The following SRCIN1 variants were observed in gnomAD, a reference collection of about 807,000 sequenced individuals.
The protein encoded by SRCIN1 is SRC kinase signaling inhibitor 1.
Under a neutral mutation model 116.2 loss-of-function variants are expected in SRCIN1, and 50 were observed. The ratio of observed to expected loss-of-function variants is 0.43; its 90% confidence interval spans 0.34 to 0.54. The LOEUF (loss-of-function observed/expected upper bound fraction) is 0.54. Ranked by LOEUF, SRCIN1 falls within the 20% of genes least tolerant of loss-of-function variation. The probability of loss-of-function intolerance (pLI) is 0.02; values close to 1 mark genes in which losing one functional copy is unlikely to be tolerated. For synonymous variants in SRCIN1, 736 were observed against 750.0 expected (o/e 0.98, Z 0.30); for missense variants, 1,446 against 1,672.0 (o/e 0.86, Z 2.36).
chr17:38,563,520 C>T lies in SRCIN1; in HGVS notation c.543G>A (p.Gly181=), dbSNP rs765927766. The T allele has an allele frequency of 2.6e-6, 4 of 1,549,054 alleles. No homozygotes were observed. The East Asian group carries it at 7.3e-5, about 28-fold the overall frequency. The change falls in exon 5 of 19, where the codon GGG becomes GGA. Residue 181 remains glycine (G), a splice_region_variant and synonymous_variant. Transcript: ENST00000617146. This position sits in a 1 kb window ranked among gnomAD's most constrained non-coding sequence, Gnocchi z 5.8. ...SASQTKLRSP[G]VLFLQFGEET... is the part of the protein sequence containing the mutation. ...CCTCCCCGAACTGCAGGAACAGCAC[C>T]CCTGCGAAGGAGACGCCGCCCTCGC...
intron 1 of SRCIN1, among the ~76,000 whole-genome samples, chr17:38,600,251 T>C (rs1780577871): frequency 6.6e-6 from 1 of 152,202 alleles, no homozygotes; most frequent in Admixed American, 6.5e-5. Context: ...CTATCAACCT[T>C]TACCCAGCCC....
At chr17:38,591,117 A>G (rs1457745476) in intron 1 of SRCIN1, among the ~76,000 whole-genome samples, 2 of 152,182 alleles carry the variant, frequency 1.3e-5, no homozygotes, top group Non-Finnish European at 2.9e-5. Context: ...TATGCTGGAT[A>G]CGAAGCCCTC....
chr17:38,540,874 T>C (rs539382362), intron 18 of SRCIN1, among the ~76,000 whole-genome samples: 217 of 152,238 alleles, frequency 1.4e-3, no homozygotes, highest in African/African-American at 4.8e-3. Context: ...AAGGAGATCT[T>C]AGAAGACCGT....
Position 38,552,518 on chromosome 17 carries a change from C to A in SRCIN1, c.2409G>T (p.Glu803Asp). Residue 803 changes from glutamate to aspartate, a missense_variant, in exon 13 of 19, where the codon GAG (glutamate) becomes GAT (aspartate). Coordinates refer to ENST00000617146, the MANE Select transcript of SRCIN1 (RefSeq NM_025248.3). The surrounding 1 kb of genome is among the most constrained non-coding windows in gnomAD (Gnocchi z 5.3). ...VEVEAVKFLK[E>D]EPQRLDGLLK... ...GGAGCCCATCCAGGCGCTGGGGCTC[C>A]TCCTTCAGGAACTTCACCGCCTCCA... 5.6e-6 allele frequency: 9 copies of A among 1,605,774 alleles called. No individual in the cohort carries two copies. The highest frequency in any genetic ancestry group is 7.7e-6 in the Non-Finnish European group (9 of 1,176,402).
rs1005590785 is a variant in SRCIN1 at position 38,585,405 on chromosome 17, C to T, written c.23-6614G>A. The stretch of plus-strand genomic sequence containing the variant: ...CATGATGACTCCATCCTGCTGGGTG[C>T]CTGCTGCAGTCGGGAAGCACACGGT... On this transcript the variant is annotated intron_variant, in intron 1 of 18. Coordinates refer to ENST00000617146, the MANE Select transcript of SRCIN1 (RefSeq NM_025248.3). This position sits in a 1 kb window ranked among gnomAD's most constrained non-coding sequence, Gnocchi z 4.2. 6.6e-6 allele frequency among the ~76,000 whole-genome samples: 1 copy of T among 152,226 alleles called. No homozygotes were observed. The highest frequency in any genetic ancestry group is 2.4e-5 in the African/African-American group (1 of 41,448).
chr17:38,573,169 G>A (rs1486783999), intron 2 of SRCIN1, among the ~76,000 whole-genome samples: 2 of 152,248 alleles, frequency 1.3e-5, no homozygotes, highest in African/African-American at 4.8e-5. Context: ...CCCGCCTGGT[G>A]GAGGATCAGG....
At chr17:38,537,804 A>G (rs945887404) in intron 18 of SRCIN1, among the ~76,000 whole-genome samples, 1 of 146,674 alleles carries the variant, frequency 6.8e-6, no homozygotes, top group African/African-American at 2.6e-5. Flanking sequence ...AAAAAAAAAG[A>G]AAGAAAAAAA....
chr17:38,583,526 T>A, intron 1 of SRCIN1, among the ~76,000 whole-genome samples: 1 of 151,672 alleles, frequency 6.6e-6, no homozygotes, highest in Non-Finnish European at 1.5e-5. Flanking sequence ...GAAAGTAGGT[T>A]GTTTTCTTTT....
rs1905967825 is a variant in SRCIN1, at chr17:38,558,519, A to C, written c.2026-117T>G. Reference sequence around the variant, plus strand: ...AATCCAGGGCGGGGCTCTGCAGAAGAAGCGGCTGCTTGGCTCCGCCTCAGG... The same window carrying C: ...AATCCAGGGCGGGGCTCTGCAGAAGCAGCGGCTGCTTGGCTCCGCCTCAGG... On this transcript the variant is annotated intron_variant, in intron 10 of 18. Coordinates refer to ENST00000617146, the MANE Select transcript of SRCIN1 (RefSeq NM_025248.3). The surrounding 1 kb of genome is among the most constrained non-coding windows in gnomAD (Gnocchi z 4.6). The C allele has an allele frequency of 5.5e-6, 7 of 1,266,990 alleles. No individual in the cohort carries two copies. The highest frequency in any genetic ancestry group is 7.4e-6 in the Non-Finnish European group (7 of 940,946). 78.5% of individuals were successfully genotyped at this position (1,266,990 alleles called of 1,614,324 possible).
At position 38,552,062 on chromosome 17, in the gene SRCIN1, C is replaced by G. The variant is rs1905460430; in HGVS notation, c.2551G>C (p.Glu851Gln). The part of the protein sequence containing the change: ...LSQSPKKVTA[E>Q]TDFNKSVDFE... ...TCCACGCTCTTGTTGAAGTCAGTCT[C>G]TGCCGTCACCTTCTTGGGGGACTGA... Residue 851 changes from glutamate (E) to glutamine (Q), a missense_variant, in exon 14 of 19, where the codon GAG becomes CAG. Coordinates refer to ENST00000617146, the MANE Select transcript of SRCIN1 (RefSeq NM_025248.3). The surrounding 1 kb of genome is among the most constrained non-coding windows in gnomAD (Gnocchi z 5.3). 1 of 1,613,736 alleles carries G rather than the reference C, an allele frequency of 6.2e-7. No homozygotes were observed. Among genetic ancestry groups the G allele is most frequent in the Middle Eastern group, 1.6e-4 (1 of 6,062 alleles).
At chr17:38,594,465 G>A (rs1382999439) in intron 1 of SRCIN1, among the ~76,000 whole-genome samples, 1 of 152,106 alleles carries the variant, frequency 6.6e-6, no homozygotes, top group East Asian at 1.9e-4. Context: ...AGCTGGAAAA[G>A]GGCTGGAGGA....
At chr17:38,554,946 C>G (rs530379642) in intron 11 of SRCIN1, among the ~76,000 whole-genome samples, 1 of 152,330 alleles carries the variant, frequency 6.6e-6, no homozygotes, top group Admixed American at 6.5e-5. Flanking sequence ...CAAATCTTAT[C>G]AGCACGCCTT....
intron 2 of SRCIN1, chr17:38,574,847 G>C (rs768068499): frequency 6.0e-5 from 24 of 400,696 alleles, no homozygotes; most frequent in Non-Finnish European, 9.3e-5. Context: ...CCATGGGCTT[G>C]GGGGGTGGGG....
Position 38,551,205 on chromosome 17 carries a change from T to G in SRCIN1, c.2912A>C (p.His971Pro). The change falls in exon 15 of 19, where the codon CAC becomes CCC. Residue 971 changes from histidine (H) to proline (P), a missense_variant. Around this residue, in one of 5 missense-constraint regions of SRCIN1, gnomAD observed 531 missense variants for 633.9 expected, o/e 0.84. Coordinates refer to ENST00000617146, the MANE Select transcript of SRCIN1 (RefSeq NM_025248.3). ...TPDHKPPKAPHGQKAAPRTEP... is the reference protein window; with the variant it reads ...TPDHKPPKAPPGQKAAPRTEP... ...CGTTCGGGGGGCTGCCTTCTGGCCG[T>G]GGGGGGCCTTGGGGGGCTTGTGATC... 1 of 1,589,498 alleles carries G rather than the reference T, an allele frequency of 6.3e-7. No individual in the cohort carries two copies. Among genetic ancestry groups the G allele is most frequent in the Non-Finnish European group, 8.6e-7 (1 of 1,164,042 alleles).
chr17:38,587,777 C>T (rs568175571), intron 1 of SRCIN1, among the ~76,000 whole-genome samples: 10 of 152,086 alleles, frequency 6.6e-5, no homozygotes, highest in Admixed American at 1.3e-4. Flanking sequence ...CCCAGTGATG[C>T]CCCCAGCCCA....
At chr17:38,548,781 A>G in intron 16 of SRCIN1, 72 bp from the exon 17 acceptor site, 1 of 1,464,170 alleles carries the variant, frequency 6.8e-7, no homozygotes, top group South Asian at 1.4e-5. Flanking sequence ...CCCAGGCCCC[A>G]TCGCCCATGT....
intron 1 of SRCIN1, among the ~76,000 whole-genome samples, chr17:38,600,424 G>A (rs1315564693): frequency 2.0e-5 from 3 of 152,216 alleles, no homozygotes; most frequent in African/African-American, 7.2e-5. Flanking sequence ...CAGGGGGCCT[G>A]GGCCCCATCT....
chr17:38,566,665 C>A (rs1026111952), intron 3 of SRCIN1, among the ~76,000 whole-genome samples: 1 of 152,284 alleles, frequency 6.6e-6, no homozygotes, highest in Middle Eastern at 3.4e-3. Context: ...TTCACTGAAC[C>A]AGAATCTCTG....
Position 38,552,265 on chromosome 17 carries a change from GC to G in SRCIN1, c.2481-134del. 7.0e-7 allele frequency: 1 copy of G among 1,432,578 alleles called. No individual in the cohort carries two copies. The highest frequency in any genetic ancestry group is 9.4e-7 in the Non-Finnish European group (1 of 1,067,150). 88.7% of individuals were successfully genotyped at this position (1,432,578 alleles called of 1,614,324 possible). ...TGGGAGGGCCTGGGGAGGAGTGACT[GC>G]CCCTGGTATAAGAGGAAGCCAGGTC... On this transcript the variant is annotated intron_variant, in intron 13 of 18. Coordinates refer to ENST00000617146, the MANE Select transcript of SRCIN1 (RefSeq NM_025248.3). This position sits in a 1 kb window ranked among gnomAD's most constrained non-coding sequence, Gnocchi z 5.3.
Sources: gnomAD v4.1 joint callset for allele counts (sites outside exome capture counted in the v4.1 genomes callset) on GRCh38, gnomAD v4.1.1 for gene constraint, gnomAD v4.1.1 regional missense constraint, Gnocchi (gnomAD v3.1) non-coding constraint, MANE v1.5 for transcripts, NCBI Gene and HGNC (gene_info 2026-07-23, HGNC 2026-07-21) for gene names.